CNTNAP2: variants seen among roughly 807,000 people sequenced by gnomAD.
CNTNAP2 encodes contactin associated protein 2, also known as contactin-associated protein-like 2.
CNTNAP2 carries 98 observed loss-of-function variants against 155.2 expected under a neutral mutation model. The observed-to-expected ratio is 0.63, with a 90% confidence interval of 0.54 to 0.75. The LOEUF (loss-of-function observed/expected upper bound fraction) is 0.75. Among genes scored for constraint, CNTNAP2 ranks in the 30% least tolerant of loss-of-function variants. CNTNAP2 has a pLI of 0.00. For synonymous variants in CNTNAP2, 651 were observed against 631.2 expected (o/e 1.03, Z -0.47); for missense variants, 1,727 against 1,688.1 (o/e 1.02, Z -0.40).
chr7:148,331,250 TGGAATGGATGGATGGATGGAGTGGAC>T (rs1798001059), intron 21 of CNTNAP2, among the ~76,000 whole-genome samples: 1 of 8,672 alleles, frequency 1.2e-4, no homozygotes, highest in Non-Finnish European at 2.3e-4. Flanking sequence ...AACAGATGGA[TGGAATGGATGGATGGATGGAGTGGAC>T]GGATGGAGTG....
chr7:147,184,971 G>A (rs1802533951), intron 8 of CNTNAP2, among the ~76,000 whole-genome samples: 1 of 152,050 alleles, frequency 6.6e-6, no homozygotes, highest in African/African-American at 2.4e-5. Context: ...TGTAAATACT[G>A]TCTATATAAA....
intron 3 of CNTNAP2, among the ~76,000 whole-genome samples, chr7:146,840,941 T>G (rs892732581): frequency 6.6e-6 from 1 of 152,222 alleles, no homozygotes; most frequent in Non-Finnish European, 1.5e-5. Context: ...AAAGAATATT[T>G]GTGTATTAGG....
intron 9 of CNTNAP2, among the ~76,000 whole-genome samples, chr7:147,336,996 T>C (rs1795675533): frequency 6.6e-6 from 1 of 152,054 alleles, no homozygotes; most frequent in Admixed American, 6.6e-5. Flanking sequence ...TTAACCAAAA[T>C]GTCCTCTATA....
chr7:147,633,164 C>T (rs1795117683), intron 12 of CNTNAP2, among the ~76,000 whole-genome samples: 1 of 152,236 alleles, frequency 6.6e-6, no homozygotes, highest in Non-Finnish European at 1.5e-5. Flanking sequence ...CAGCGCCAGC[C>T]TTGGCTAAAA....
Position 146,493,480 on chromosome 7 carries a change from T to C in CNTNAP2, c.98-280791T>C, listed in dbSNP as rs531000756. Among the ~76,000 whole-genome samples, 16 of 152,284 alleles carry C rather than the reference T, an allele frequency of 1.1e-4. No homozygotes were observed. The South Asian group carries it at 3.3e-3, about 32-fold the overall frequency. ...GTTTGCATTTCTGTTGTTAAGGTGA[T>C]GTTTCCTGGAGTGATCTAAAAAGAA... On this transcript the variant is annotated intron_variant, in intron 1 of 23. Transcript: ENST00000361727.
intron 21 of CNTNAP2, among the ~76,000 whole-genome samples, chr7:148,330,013 G>A (rs1797957541): frequency 6.6e-6 from 1 of 152,200 alleles, no homozygotes; most frequent in African/African-American, 2.4e-5. Context: ...AAGCTATCCA[G>A]CAAATACAGA....
At chr7:146,463,971 A>G (rs1021739362) in intron 1 of CNTNAP2, among the ~76,000 whole-genome samples, 1 of 152,142 alleles carries the variant, frequency 6.6e-6, no homozygotes, top group Non-Finnish European at 1.5e-5. Flanking sequence ...GTGCTTTAGA[A>G]TATCTGAATT....
intron 15 of CNTNAP2, among the ~76,000 whole-genome samples, chr7:148,100,483 G>A (rs1050625458): frequency 3.3e-5 from 5 of 152,094 alleles, no homozygotes; most frequent in South Asian, 2.1e-4. Context: ...CTTTGTATCA[G>A]GCACATAAAC....
At chr7:147,476,328 A>G (rs937782953) in intron 10 of CNTNAP2, among the ~76,000 whole-genome samples, 4 of 151,944 alleles carry the variant, frequency 2.6e-5, no homozygotes, top group African/African-American at 9.6e-5. Flanking sequence ...GATGGTCTCA[A>G]TCTGCTGACC....
chr7:146,385,519 A>T (rs755324732), intron 1 of CNTNAP2, among the ~76,000 whole-genome samples: 1 of 152,236 alleles, frequency 6.6e-6, no homozygotes, highest in South Asian at 2.1e-4. Context: ...AGTGCAAACC[A>T]TTTCAAAATA....
intron 14 of CNTNAP2, 67 bp downstream of exon 14, chr7:147,903,788 A>G (rs923600983): frequency 6.3e-7 from 1 of 1,574,802 alleles, no homozygotes; most frequent in African/African-American, 1.4e-5. Flanking sequence ...AACTCATGTG[A>G]TAGAAGAAAG....
chr7:147,276,754 T>G (rs1804904569), intron 8 of CNTNAP2, among the ~76,000 whole-genome samples: 1 of 152,004 alleles, frequency 6.6e-6, no homozygotes, highest in South Asian at 2.1e-4. Context: ...TATGTTAGGT[T>G]TTTTATACTA....
chr7:146,436,633 A>G (rs1218245408), intron 1 of CNTNAP2, among the ~76,000 whole-genome samples: 2 of 152,236 alleles, frequency 1.3e-5, no homozygotes, highest in Non-Finnish European at 1.5e-5. Flanking sequence ...TAGAAGAAAC[A>G]AAAACACAGA....
At chr7:146,229,206 A>C (rs1799344155) in intron 1 of CNTNAP2, among the ~76,000 whole-genome samples, 1 of 152,196 alleles carries the variant, frequency 6.6e-6, no homozygotes, top group South Asian at 2.1e-4. Context: ...ATAAATAAAA[A>C]GTTGGGGTAT....
intron 2 of CNTNAP2, among the ~76,000 whole-genome samples, chr7:146,820,142 T>C (rs1585106039): frequency 6.6e-6 from 1 of 152,314 alleles, no homozygotes. Flanking sequence ...ATGTACAGTG[T>C]ACATAATATT....
intron 8 of CNTNAP2, among the ~76,000 whole-genome samples, chr7:147,251,318 C>T (rs758946004): frequency 6.6e-6 from 1 of 152,138 alleles, no homozygotes; most frequent in Non-Finnish European, 1.5e-5. Context: ...TGGATCAGGA[C>T]GAGGCATTGT....
At chr7:147,164,923 G>A (rs1268900112) in intron 8 of CNTNAP2, among the ~76,000 whole-genome samples, 1 of 152,110 alleles carries the variant, frequency 6.6e-6, no homozygotes, top group African/African-American at 2.4e-5. Context: ...CTTTTGATGG[G>A]AAAATAATTT....
At chr7:147,134,070 T>C (rs145269656) in intron 8 of CNTNAP2, among the ~76,000 whole-genome samples, 1 of 152,196 alleles carries the variant, frequency 6.6e-6, no homozygotes, top group East Asian at 1.9e-4. Flanking sequence ...TTAATGATTA[T>C]TGCCTAATGA....
intron 5 of CNTNAP2, among the ~76,000 whole-genome samples, chr7:147,109,733 T>C (rs1013305339): frequency 2.0e-5 from 3 of 151,880 alleles, no homozygotes; most frequent in Non-Finnish European, 2.9e-5. Flanking sequence ...ATTTTGTAGG[T>C]AAAAAAGAGA....
Sources: gnomAD v4.1 joint callset for allele counts (sites outside exome capture counted in the v4.1 genomes callset) on GRCh38, gnomAD v4.1.1 for gene constraint, MANE v1.5 for transcripts, NCBI Gene and HGNC (gene_info 2026-07-23, HGNC 2026-07-21) for gene names.